Variants in RAP1GAP observed in about 807,000 individuals in gnomAD.
RAP1GAP encodes the protein rap1 GTPase-activating protein 1.
A neutral mutation model predicts 87.2 loss-of-function variants in RAP1GAP; 35 were observed. The observed-to-expected ratio is 0.40, with a 90% CI of 0.31 to 0.53. RAP1GAP has a LOEUF of 0.53. Among genes scored for constraint, RAP1GAP ranks in the 20% least tolerant of loss-of-function variants. The pLI is 0.48. For synonymous variants in RAP1GAP, 375 were observed against 363.9 expected (o/e 1.03, Z -0.35); for missense variants, 734 against 898.9 (o/e 0.82, Z 2.35).
At chr1:21,632,730 T>A (rs1276548953) in intron 2 of RAP1GAP, among the ~76,000 whole-genome samples, 3 of 151,600 alleles carry the variant, frequency 2.0e-5, no homozygotes, top group African/African-American at 7.3e-5. Flanking sequence ...TGAGCCCTCA[T>A]CTTTACAAAA....
At chr1:21,627,431 T>A (rs1233039916) in intron 2 of RAP1GAP, among the ~76,000 whole-genome samples, 76 of 148,104 alleles carry the variant, frequency 5.1e-4, no homozygotes, top group Middle Eastern at 7.1e-3. Flanking sequence ...TTTTTTTTTT[T>A]ATGACAGAGT....
chr1:21,603,015 GT>G lies in RAP1GAP; in HGVS notation c.1429-103del. On this transcript the variant is annotated intron_variant, in intron 18 of 24. Coordinates refer to ENST00000374765, the MANE Select transcript of RAP1GAP (RefSeq NM_002885.4). This position sits in a 1 kb window ranked among gnomAD's most constrained non-coding sequence, Gnocchi z 6.0. ...CTGCTGCCCCAGGCCCTGAAGCAGA[GT>G]TGATGAGCAAGAAAGAACGAGAGAA... 3 of 783,704 alleles carry G rather than the reference GT, an allele frequency of 3.8e-6. No homozygotes were observed. In the East Asian group the frequency reaches 8.2e-5, roughly 21 times the overall value. 48.5% of individuals were successfully genotyped at this position (783,704 alleles called of 1,614,324 possible). A position where few individuals can be genotyped will look rare whatever the true frequency, so the allele number is the denominator to read the frequency against.
chr1:21,659,968 T>C (rs1571491907), intron 1 of RAP1GAP, among the ~76,000 whole-genome samples: 1 of 152,064 alleles, frequency 6.6e-6, no homozygotes, highest in Non-Finnish European at 1.5e-5. Context: ...TTCACACTGC[T>C]CTGAGTCACT....
Position 21,613,545 on chromosome 1 carries a change from G to T in RAP1GAP, c.474+83C>A. On this transcript the variant is annotated intron_variant, in intron 9 of 24. Transcript: ENST00000374765. The surrounding 1 kb of genome is among the most constrained non-coding windows in gnomAD (Gnocchi z 4.7). ...CCAGGGCTAGGGCCTACAGCTGAAG[G>T]GGACGCGCCAAGGCAAGCTGAAGCC... The T allele has an allele frequency of 2.3e-6, 3 of 1,293,768 alleles. No individual in the cohort carries two copies. The highest frequency in any genetic ancestry group is 1.2e-5 in the South Asian group (1 of 84,440). The allele number at this position is 1,293,768 out of a possible 1,614,324, so 80.1% of individuals were successfully genotyped here. A position where few individuals can be genotyped will look rare whatever the true frequency, so the allele number is the denominator to read the frequency against.
rs746970548 is a variant in RAP1GAP at position 21,634,955 on chromosome 1, C to A, written c.-112-8558G>T. On this transcript the variant is annotated intron_variant, in intron 2 of 24. Transcript: ENST00000374765. The surrounding 1 kb of genome is among the most constrained non-coding windows in gnomAD (Gnocchi z 4.1). ...TCCTGCCGGGCAACAACATCATCTG[C>A]TTCCCTAGCCTGGCACTTTCCAGTT... 6.6e-5 allele frequency among the ~76,000 whole-genome samples: 10 copies of A among 152,226 alleles called. No individual in the cohort carries two copies. The highest frequency in any genetic ancestry group is 1.2e-4 in the Non-Finnish European group (8 of 68,034).
intron 17 of RAP1GAP, among the ~76,000 whole-genome samples, chr1:21,607,075 C>T (rs72660314): frequency 0.15 from 22,642 of 152,176 alleles, 1,913 homozygotes; most frequent in African/African-American, 0.21. Context: ...CCCATAGCTC[C>T]AGCTGTGTGA....
chr1:21,619,185 G>A, intron 4 of RAP1GAP, 113 bp from the exon 5 acceptor site: 1 of 1,134,024 alleles, frequency 8.8e-7, no homozygotes, highest in South Asian at 1.4e-5. Context: ...GAAGGTAGGG[G>A]TACTCCCAGG....
intron 2 of RAP1GAP, among the ~76,000 whole-genome samples, chr1:21,631,630 G>A (rs1230868020): frequency 1.3e-5 from 2 of 152,168 alleles, no homozygotes; most frequent in African/African-American, 2.4e-5. Flanking sequence ...AGGTTGCAGT[G>A]AGCCGAGATT....
chr1:21,652,480 G>C (rs910213131), intron 1 of RAP1GAP, among the ~76,000 whole-genome samples: 1 of 152,126 alleles, frequency 6.6e-6, no homozygotes, highest in Non-Finnish European at 1.5e-5. Flanking sequence ...TGAATGAACA[G>C]AGCCTCCAAT....
At position 21,603,813 on chromosome 1, in the gene RAP1GAP, C is replaced by T. The variant is rs776844571; in HGVS notation, c.1429-900G>A. On this transcript the variant is annotated intron_variant, in intron 18 of 24. Transcript: ENST00000374765. This position sits in a 1 kb window ranked among gnomAD's most constrained non-coding sequence, Gnocchi z 6.0. ...AGCGCGTGCAGGCAGCCTCCAGAGC[C>T]GGCGGCCCCGCGGACGACAACCTCT... The T allele has an allele frequency of 1.1e-5, 17 of 1,606,682 alleles. No homozygotes were observed. The highest frequency in any genetic ancestry group is 3.3e-5 in the Admixed American group (2 of 59,910).
In RAP1GAP at chr1:21,603,544, G is replaced by A. The variant is rs2071083954; in HGVS notation, c.1429-631C>T. The stretch of plus-strand genomic sequence containing the variant: ...AGACCGGCGATATTGGGGGACGTGC[G>A]GCTGGGTGTAGGGCCTTTGGGTACC... On this transcript the variant is annotated intron_variant, in intron 18 of 24. Transcript: ENST00000374765. The surrounding 1 kb of genome is among the most constrained non-coding windows in gnomAD (Gnocchi z 6.0). The A allele has an allele frequency of 9.9e-6, 6 of 608,162 alleles. No homozygotes were observed. In the Admixed American group the frequency reaches 1.4e-4, roughly 14 times the overall value. The allele number at this position is 608,162 out of a possible 1,614,324, so 37.7% of individuals were successfully genotyped here.
intron 22 of RAP1GAP, 90 bp from the exon 23 acceptor site, chr1:21,598,154 G>A (rs982795617): frequency 1.9e-5 from 16 of 859,276 alleles, no homozygotes; most frequent in South Asian, 3.5e-5. Context: ...GCACCAGTGC[G>A]CTCCAACCCC....
At chr1:21,633,348 G>A (rs1169057701) in intron 2 of RAP1GAP, among the ~76,000 whole-genome samples, 4 of 152,196 alleles carry the variant, frequency 2.6e-5, no homozygotes, top group Non-Finnish European at 2.9e-5. Flanking sequence ...TCCCCAGGCT[G>A]CAGGCAGCTT....
At chr1:21,608,981 T>G in intron 15 of RAP1GAP, 45 bp from the exon 16 acceptor site, 1 of 1,523,850 alleles carries the variant, frequency 6.6e-7, no homozygotes, top group Non-Finnish European at 9.1e-7. Flanking sequence ...GAAGTTGAGA[T>G]GACACATAAA....
At position 21,617,299 on chromosome 1, in the gene RAP1GAP, C is replaced by T. The variant is rs1438110144; in HGVS notation, c.291+7G>A. 1.5e-5 allele frequency: 24 copies of T among 1,562,684 alleles called. No homozygotes were observed. The highest frequency in any genetic ancestry group is 2.1e-5 in the Non-Finnish European group (24 of 1,152,894). ...AGCCAGCCCCGCTGCACCAGCCGGC[C>T]ACCCACCTTGCCGAGAAAGTGCTTC... On this transcript the variant is annotated splice_region_variant and intron_variant, in intron 7 of 24. Transcript: ENST00000374765.
intron 21 of RAP1GAP, 44 bp downstream of exon 21, chr1:21,599,450 C>CT: frequency 6.3e-7 from 1 of 1,578,482 alleles, no homozygotes. Context: ...AAAGAGCCCC[C>CT]TTCCAAGCTC....
At chr1:21,621,942 G>A (rs1045477859) in intron 3 of RAP1GAP, among the ~76,000 whole-genome samples, 3 of 152,210 alleles carry the variant, frequency 2.0e-5, no homozygotes, top group Admixed American at 1.3e-4. Context: ...AGCAGCAGAC[G>A]CCCTGACACA....
intron 20 of RAP1GAP, among the ~76,000 whole-genome samples, chr1:21,601,073 T>G (rs531852878): frequency 4.7e-5 from 7 of 149,570 alleles, no homozygotes. Flanking sequence ...CAGGCTAGAG[T>G]GCAGTGGCTA....
chr1:21,665,099 C>T (rs1174938125), intron 1 of RAP1GAP: 2 of 340,164 alleles, frequency 5.9e-6, no homozygotes, highest in Non-Finnish European at 1.2e-5. Context: ...GCACTGCCCT[C>T]AGTGTTTGCT....
Sources: allele counts gnomAD v4.1 joint callset (sites outside exome capture counted in the v4.1 genomes callset), GRCh38; gene constraint gnomAD v4.1.1; non-coding constraint Gnocchi (gnomAD v3.1); transcripts MANE v1.5; gene names NCBI Gene and HGNC (gene_info 2026-07-23, HGNC 2026-07-21).